Variants in CREM observed in about 807,000 individuals in gnomAD.
CREM encodes the protein cAMP responsive element modulator.
A neutral mutation model predicts 37.3 loss-of-function variants in CREM; 13 were observed. The observed-to-expected ratio is 0.35, with a 90% CI of 0.23 to 0.55. The LOEUF is 0.55. CREM is among the 20% of genes least tolerant of loss of function. CREM has a pLI of 0.88. For synonymous variants in CREM, 124 were observed against 120.2 expected (o/e 1.03, Z -0.21); for missense variants, 296 against 362.3 (o/e 0.82, Z 1.49).
chr10:35,203,382 A>G (rs1399285579), intron 6 of CREM, among the ~76,000 whole-genome samples: 1 of 151,276 alleles, frequency 6.6e-6, no homozygotes, highest in Non-Finnish European at 1.5e-5. Context: ...ATTCCCACCC[A>G]CCCTTTTTTT....
chr10:35,167,638 T>A lies in CREM; in HGVS notation c.169-11251T>A, dbSNP rs955973107. The A allele has an allele frequency of 7.8e-5, 106 of 1,357,480 alleles. No individual in the cohort carries two copies. The African/African-American group carries it at 1.0e-3, about 13-fold the overall frequency. The allele number at this position is 1,357,480 out of a possible 1,614,324, so 84.1% of individuals were successfully genotyped here. A position where few individuals can be genotyped will look rare whatever the true frequency, so the allele number is the denominator to read the frequency against. The stretch of plus-strand genomic sequence containing the variant: ...TAAGTGTCACTATTAGGGTTTTTTT[T>A]AATTGCAAAGCCAAATAAGGCTGTC... On this transcript the variant is annotated intron_variant, in intron 3 of 7. Transcript: ENST00000685392.
At chr10:35,158,979 C>T (rs1262321525) in intron 3 of CREM, among the ~76,000 whole-genome samples, 1 of 151,600 alleles carries the variant, frequency 6.6e-6, no homozygotes, top group African/African-American at 2.4e-5. Context: ...TAAACAAAAC[C>T]AATTTTTTTT....
chr10:35,183,655 G>C (rs1187560572), intron 5 of CREM, among the ~76,000 whole-genome samples: 1 of 152,240 alleles, frequency 6.6e-6, no homozygotes, highest in Non-Finnish European at 1.5e-5. Flanking sequence ...TGTTTTTAAA[G>C]TTAATGCAGT....
intron 6 of CREM, among the ~76,000 whole-genome samples, chr10:35,189,942 A>G (rs978057393): frequency 3.3e-5 from 5 of 152,204 alleles, no homozygotes; most frequent in Admixed American, 3.3e-4. Flanking sequence ...GTGTGTGAAG[A>G]ACTGAGGTGG....
At chr10:35,139,635 C>T (rs2091149999) in intron 2 of CREM, among the ~76,000 whole-genome samples, 1 of 151,982 alleles carries the variant, frequency 6.6e-6, no homozygotes, top group African/African-American at 2.4e-5. Context: ...GATTAAAATA[C>T]TACATAGTTA....
At position 35,211,493 on chromosome 10, in the gene CREM, AC is replaced by A; in HGVS notation, c.*98del. ...TGGACTTGTGGGAAGGACACGTGTGACCCTTAAGAATCCAGTTTGGATTAGT... is the reference window on the plus strand; with the variant it reads ...TGGACTTGTGGGAAGGACACGTGTGACCTTAAGAATCCAGTTTGGATTAGT... On this transcript the variant is annotated 3_prime_UTR_variant, in exon 8 of 8. Coordinates refer to ENST00000685392, the MANE Select transcript of CREM (RefSeq NM_183011.2). 1 of 1,516,954 alleles carries A rather than the reference AC, an allele frequency of 6.6e-7. No homozygotes were observed. The highest frequency in any genetic ancestry group is 1.4e-5 in the African/African-American group (1 of 72,192). 94.0% of individuals were successfully genotyped at this position (1,516,954 alleles called of 1,614,324 possible). A position where few individuals can be genotyped will look rare whatever the true frequency, so the allele number is the denominator to read the frequency against.
intron 5 of CREM, among the ~76,000 whole-genome samples, chr10:35,187,045 T>C (rs2094611085): frequency 1.4e-5 from 1 of 72,150 alleles, no homozygotes; most frequent in Admixed American, 2.5e-4. Context: ...ATATATATTA[T>C]ATATAATTAA....
At position 35,159,907 on chromosome 10, in the gene CREM, C is replaced by G. The variant is rs147582403; in HGVS notation, c.168+11416C>G. 1.6e-4 allele frequency among the ~76,000 whole-genome samples: 24 copies of G among 152,266 alleles called. No homozygotes were observed. The East Asian group carries it at 3.9e-3, about 24-fold the overall frequency. On this transcript the variant is annotated intron_variant, in intron 3 of 7. Transcript: ENST00000685392. ...TGATTTTCTAAAAATGTGCAGAAGA[C>G]CCGAATAGATTTTTCTCAAAAGAAG...
intron 3 of CREM, among the ~76,000 whole-genome samples, chr10:35,160,393 C>T (rs2093214548): frequency 6.6e-6 from 1 of 151,738 alleles, no homozygotes; most frequent in Non-Finnish European, 1.5e-5. Flanking sequence ...CATTATTGTA[C>T]ACTACTGTAG....
At chr10:35,193,827 C>T (rs1311070082) in intron 6 of CREM, among the ~76,000 whole-genome samples, 6 of 151,790 alleles carry the variant, frequency 4.0e-5, no homozygotes, top group African/African-American at 7.3e-5. Flanking sequence ...GCTTTGGGTG[C>T]GGTGGCTCAC....
chr10:35,127,381 T>C (rs1564768411), intron 1 of CREM, 188 bp downstream of exon 1: 1 of 151,808 alleles, frequency 6.6e-6, no homozygotes, highest in Non-Finnish European at 1.5e-5. Context: ...CGAGTTCACC[T>C]GACGCGGCCC....
chr10:35,172,777 A>G (rs774663261), intron 3 of CREM, among the ~76,000 whole-genome samples: 3 of 152,210 alleles, frequency 2.0e-5, no homozygotes, highest in Non-Finnish European at 4.4e-5. Context: ...TTGAGTGCCA[A>G]GATGAATTAG....
intron 3 of CREM, among the ~76,000 whole-genome samples, chr10:35,168,115 A>G (rs2093639058): frequency 1.3e-5 from 2 of 152,242 alleles, no homozygotes; most frequent in Non-Finnish European, 2.9e-5. Flanking sequence ...GTATATACCC[A>G]GTAATGGGAT....
chr10:35,197,791 A>G (rs924184936), intron 6 of CREM, among the ~76,000 whole-genome samples: 11 of 152,150 alleles, frequency 7.2e-5, no homozygotes, highest in African/African-American at 2.7e-4. Context: ...CCAGAAGAGC[A>G]CAGGGTTAAG....
intron 6 of CREM, among the ~76,000 whole-genome samples, chr10:35,199,950 C>T (rs543276981): frequency 1.8e-4 from 25 of 135,516 alleles, no homozygotes; most frequent in Middle Eastern, 9.5e-3. Flanking sequence ...AGTACAGTGG[C>T]GTGATCTTGG....
intron 1 of CREM, 141 bp downstream of exon 1, chr10:35,127,334 G>A (rs1160314058): frequency 6.6e-6 from 1 of 152,308 alleles, no homozygotes; most frequent in Non-Finnish European, 1.5e-5. Flanking sequence ...GGCGGGCCGG[G>A]ACCCCGGGGC....
intron 2 of CREM, among the ~76,000 whole-genome samples, chr10:35,143,740 A>T (rs2091741796): frequency 6.6e-6 from 1 of 152,148 alleles, no homozygotes. Flanking sequence ...GCCTCAGTTG[A>T]ACAAGGGTTT....
At chr10:35,206,722 TGAA>T (rs1471648717) in intron 6 of CREM, among the ~76,000 whole-genome samples, 170 bp from the exon 7 acceptor site, 2 of 152,258 alleles carry the variant, frequency 1.3e-5, no homozygotes, top group Non-Finnish European at 2.9e-5. Context: ...TTCTAAGTGC[TGAA>T]GAAGATCTTT....
intron 3 of CREM, among the ~76,000 whole-genome samples, chr10:35,165,261 G>A (rs531622146): frequency 1.3e-5 from 2 of 151,848 alleles, no homozygotes; most frequent in Non-Finnish European, 2.9e-5. Context: ...GGAGAGAGAG[G>A]GAGCAAGAGA....
Sources: gnomAD v4.1 joint callset for allele counts (sites outside exome capture counted in the v4.1 genomes callset) on GRCh38, gnomAD v4.1.1 for gene constraint, MANE v1.5 for transcripts, NCBI Gene and HGNC (gene_info 2026-07-23, HGNC 2026-07-21) for gene names.